ZNF704: variants seen among roughly 807,000 people sequenced by gnomAD.
The protein encoded by ZNF704 is glucocorticoid induced gene 1.
In ZNF704, 10 loss-of-function variants were observed where a neutral mutation model predicts 44.7. The ratio of observed to expected loss-of-function variants is 0.22; its 90% CI spans 0.14 to 0.38. ZNF704 has a LOEUF of 0.38. Ranked by LOEUF, ZNF704 falls within the 10% of genes least tolerant of loss-of-function variation. The pLI, the probability that ZNF704 is intolerant of heterozygous loss-of-function variation, is 1.00. For synonymous variants in ZNF704, 211 were observed against 207.6 expected (o/e 1.02, Z -0.14); for missense variants, 390 against 545.5 (o/e 0.71, Z 2.84).
At chr8:80,676,033 GAAGA>G (rs1818360295) in intron 4 of ZNF704, among the ~76,000 whole-genome samples, 1 of 152,164 alleles carries the variant, frequency 6.6e-6, no homozygotes, top group Non-Finnish European at 1.5e-5. Context: ...AGCACAAATA[GAAGA>G]AAGTGTCTTA....
chr8:80,693,833 G>A lies in ZNF704; in HGVS notation c.222-726C>T, dbSNP rs1818681459. Among the ~76,000 whole-genome samples, 3 of 152,194 alleles carry A rather than the reference G, an allele frequency of 2.0e-5. No homozygotes were observed. The South Asian group carries it at 6.2e-4, about 32-fold the overall frequency. ...ATTCTAAGTGAAATGGGAAGTCCCT[G>A]GGAGGCTTTAAGCAGGCCTAGTGAA... On this transcript the variant is annotated intron_variant, in intron 2 of 8. Transcript: ENST00000327835.
intron 2 of ZNF704, among the ~76,000 whole-genome samples, chr8:80,696,776 C>T (rs540080965): frequency 9.9e-5 from 15 of 152,276 alleles, no homozygotes; most frequent in African/African-American, 2.4e-4. Context: ...GGGGATGGGA[C>T]GCAAGCCTAA....
chr8:80,765,649 T>C (rs561990314), intron 2 of ZNF704, among the ~76,000 whole-genome samples: 2 of 152,332 alleles, frequency 1.3e-5, no homozygotes, highest in South Asian at 4.1e-4. Context: ...TTTTAATCTC[T>C]TGCAATTGTG....
chr8:80,701,136 TG>T (rs1405206603), intron 2 of ZNF704, among the ~76,000 whole-genome samples: 3 of 151,056 alleles, frequency 2.0e-5, no homozygotes, highest in Non-Finnish European at 4.4e-5. Context: ...AACCAAACCC[TG>T]GCTGAATCCT....
chr8:80,820,384 T>C (rs1038106745), intron 2 of ZNF704, among the ~76,000 whole-genome samples: 1 of 151,854 alleles, frequency 6.6e-6, no homozygotes, highest in Non-Finnish European at 1.5e-5. Flanking sequence ...AAAATTATAA[T>C]GTGACAAAGG....
chr8:80,825,059 A>T (rs1164771281), intron 1 of ZNF704, among the ~76,000 whole-genome samples: 1 of 152,326 alleles, frequency 6.6e-6, no homozygotes, highest in Middle Eastern at 3.4e-3. Context: ...GACAGGATCA[A>T]ATTCACACAT....
intron 1 of ZNF704, among the ~76,000 whole-genome samples, chr8:80,826,206 G>A (rs1192305070): frequency 6.6e-6 from 1 of 152,010 alleles, no homozygotes; most frequent in Admixed American, 6.6e-5. Context: ...AGAAAAGAGA[G>A]AAGAATCAAA....
At chr8:80,740,648 C>T (rs1157821849) in intron 2 of ZNF704, among the ~76,000 whole-genome samples, 1 of 152,184 alleles carries the variant, frequency 6.6e-6, no homozygotes, top group Non-Finnish European at 1.5e-5. Flanking sequence ...TCCCAAATAC[C>T]AGAGGAACCA....
Position 80,746,865 on chromosome 8 carries a change from CATT to C in ZNF704, c.222-53761_222-53759del, listed in dbSNP as rs541767481. ...CCAGGCAAAAGGTCCTCACAATTCACATTATTAATAAGGTGAAATGAAAATATA... is the reference window on the plus strand; with the variant it reads ...CCAGGCAAAAGGTCCTCACAATTCACATTAATAAGGTGAAATGAAAATATA... On this transcript the variant is annotated intron_variant, in intron 2 of 8. Coordinates refer to ENST00000327835, the MANE Select transcript of ZNF704 (RefSeq NM_001033723.3). Among the ~76,000 whole-genome samples the C allele has an allele frequency of 2.4e-3, 363 of 152,248 alleles. 2 individuals are homozygous for C. Among genetic ancestry groups the C allele is most frequent in the African/African-American group, 8.1e-3 (337 of 41,548 alleles).
upstream of ZNF704, among the ~76,000 whole-genome samples, chr8:80,877,619 A>G (rs1367001013): frequency 1.3e-5 from 2 of 152,186 alleles, no homozygotes; most frequent in African/African-American, 4.8e-5. Context: ...CCTCTGAGCC[A>G]TGGGATAAAG....
At chr8:80,765,277 G>A (rs1807209683) in intron 2 of ZNF704, among the ~76,000 whole-genome samples, 1 of 152,122 alleles carries the variant, frequency 6.6e-6, no homozygotes, top group Non-Finnish European at 1.5e-5. Flanking sequence ...CAACCAACTG[G>A]ATGGTGCCTG....
At chr8:80,789,963 T>C (rs1383690828) in intron 2 of ZNF704, among the ~76,000 whole-genome samples, 1 of 152,196 alleles carries the variant, frequency 6.6e-6, no homozygotes, top group Non-Finnish European at 1.5e-5. Context: ...GACTTGTCCA[T>C]GAACAGATAT....
At chr8:80,706,448 C>T (rs1300953086) in intron 2 of ZNF704, among the ~76,000 whole-genome samples, 1 of 152,132 alleles carries the variant, frequency 6.6e-6, no homozygotes, top group Non-Finnish European at 1.5e-5. Context: ...ATGTTGGCAA[C>T]AGACTGAAAC....
At chr8:80,759,772 T>C (rs1295594527) in intron 2 of ZNF704, among the ~76,000 whole-genome samples, 1 of 151,538 alleles carries the variant, frequency 6.6e-6, no homozygotes, top group Non-Finnish European at 1.5e-5. Context: ...TATTTTATTT[T>C]TGGGACAGGA....
At chr8:80,696,678 G>GA (rs1440959188) in intron 2 of ZNF704, among the ~76,000 whole-genome samples, 1 of 152,184 alleles carries the variant, frequency 6.6e-6, no homozygotes, top group African/African-American at 2.4e-5. Flanking sequence ...TTAGCCTCCT[G>GA]AAGTGCTGGG....
intron 4 of ZNF704, among the ~76,000 whole-genome samples, chr8:80,677,757 A>C (rs767121814): frequency 1.3e-5 from 2 of 152,158 alleles, no homozygotes; most frequent in Admixed American, 1.3e-4. Flanking sequence ...GTTATGTTCA[A>C]TCTCAGAAAG....
At chr8:80,761,562 A>G (rs73692130) in intron 2 of ZNF704, among the ~76,000 whole-genome samples, 12 of 152,352 alleles carry the variant, frequency 7.9e-5, no homozygotes, top group African/African-American at 2.6e-4. Context: ...TCTTGAAAAT[A>G]TAATTCTGAA....
At chr8:80,737,002 A>G (rs1806678647) in intron 2 of ZNF704, among the ~76,000 whole-genome samples, 1 of 152,038 alleles carries the variant, frequency 6.6e-6, no homozygotes. Context: ...TACTCTTCCA[A>G]GTAGAGAGGA....
At chr8:80,687,150 C>G in intron 4 of ZNF704, 76 bp downstream of exon 4, 1 of 1,302,006 alleles carries the variant, frequency 7.7e-7, no homozygotes, top group South Asian at 1.3e-5. Context: ...AGGTTAAGCT[C>G]ACACCGGCCC....
Sources: allele counts gnomAD v4.1 joint callset (sites outside exome capture counted in the v4.1 genomes callset), GRCh38; gene constraint gnomAD v4.1.1; transcripts MANE v1.5; gene names NCBI Gene and HGNC (gene_info 2026-07-23, HGNC 2026-07-21).